TSPOAP1: variants seen among roughly 807,000 people sequenced by gnomAD.
TSPOAP1 encodes the protein TSPO associated protein 1.
TSPOAP1 carries 87 observed loss-of-function variants against 197.0 expected under a neutral mutation model. That is an observed-to-expected ratio of 0.44 (90% CI 0.37 to 0.53). The LOEUF is 0.53. TSPOAP1 is among the 20% of genes least tolerant of loss of function. The pLI, the probability that TSPOAP1 is intolerant of heterozygous loss-of-function variation, is 0.00. For missense variants in TSPOAP1, 2,174 were observed against 2,411.3 expected (o/e 0.90, Z 2.06); for synonymous variants, 913 against 998.9 (o/e 0.91, Z 1.62).
chr17:58,304,983 G>T lies in TSPOAP1; in HGVS notation c.5544+78C>A. 3 of 1,124,176 alleles carry T rather than the reference G, an allele frequency of 2.7e-6. No individual in the cohort carries two copies. The highest frequency in any genetic ancestry group is 2.7e-6 in the Non-Finnish European group (2 of 734,090). The allele number at this position is 1,124,176 out of a possible 1,614,324, so 69.6% of individuals were successfully genotyped here. A position where few individuals can be genotyped will look rare whatever the true frequency, so the allele number is the denominator to read the frequency against. On this transcript the variant is annotated intron_variant, in intron 30 of 31. Transcript: ENST00000343736. The surrounding 1 kb of genome is among the most constrained non-coding windows in gnomAD (Gnocchi z 4.2). ...TGACCACCCCAGCTGCACCCCTGCC[G>T]CAACACTGCCCTGGCCCTACCACCC...
rs1567853687 is a variant in TSPOAP1 at position 58,327,678 on chromosome 17, C to T, written c.243G>A (p.Glu81=). 2.5e-6 allele frequency: 4 copies of T among 1,613,898 alleles called. No homozygotes were observed. In the East Asian group the frequency reaches 8.9e-5, roughly 36 times the overall value. ...GCTGGCCCAGGCTGGGCAGACAAGC[C>T]TCTGCTCCTTCAGGGTCAGTTCCCC... ...PVGGTDPEGA[E]ACLPSLGQQA... The change falls in exon 1 of 32, where the codon GAG becomes GAA. Residue 81 remains glutamate (E), a synonymous_variant. Transcript: ENST00000343736.
chr17:58,314,416 C>T (rs956989088), intron 16 of TSPOAP1, among the ~76,000 whole-genome samples: 3 of 152,014 alleles, frequency 2.0e-5, no homozygotes, highest in South Asian at 2.1e-4. Context: ...CTAGATTATC[C>T]GGGTGGGTCC....
rs1971699792 is a variant in TSPOAP1 at position 58,327,844 on chromosome 17, C to A, written c.77G>T (p.Ser26Ile). 1 of 1,613,732 alleles carries A rather than the reference C, an allele frequency of 6.2e-7. No individual in the cohort carries two copies. The highest frequency in any genetic ancestry group is 8.5e-7 in the Non-Finnish European group (1 of 1,179,960). ...TTCACCCCCTCGACCTGGAGTCCAG[C>A]TATGCCAGGTGGGCAGTGCCCATGG... ...MEPWALPTWH[S>I]WTPGRGGEPS... is the part of the protein sequence containing the mutation. Residue 26 changes from serine (S) to isoleucine (I), a missense_variant, in exon 1 of 32, where the codon AGC becomes ATC. Transcript: ENST00000343736.
intron 16 of TSPOAP1, among the ~76,000 whole-genome samples, chr17:58,315,701 C>T (rs929557745): frequency 6.6e-6 from 1 of 152,204 alleles, no homozygotes; most frequent in African/African-American, 2.4e-5. Context: ...CTGCCACGCC[C>T]TGACTATCCA....
intron 14 of TSPOAP1, among the ~76,000 whole-genome samples, chr17:58,316,962 T>C (rs1436688087): frequency 6.6e-6 from 1 of 152,186 alleles, no homozygotes; most frequent in Non-Finnish European, 1.5e-5. Context: ...TTTGAGAGGC[T>C]GAGGAGGGCA....
At position 58,320,140 on chromosome 17, in the gene TSPOAP1, A is replaced by T. The variant is rs1178730499; in HGVS notation, c.1474-11T>A. On this transcript the variant is annotated splice_polypyrimidine_tract_variant and intron_variant, in intron 11 of 31. Coordinates refer to ENST00000343736, the MANE Select transcript of TSPOAP1 (RefSeq NM_004758.4). ...GGAATCCAAGGTAGACTGTTGCAGG[A>T]AAGGAAGCAGAGAACAGGTTAGAAC... 42 of 1,614,018 alleles carry T rather than the reference A, an allele frequency of 2.6e-5. No individual in the cohort carries two copies. The highest frequency in any genetic ancestry group is 3.5e-5 in the Non-Finnish European group (41 of 1,180,006).
Position 58,304,510 on chromosome 17 carries a change from G to A in TSPOAP1, c.5545-111C>T. 1 of 838,696 alleles carries A rather than the reference G, an allele frequency of 1.2e-6. No homozygotes were observed. Among genetic ancestry groups the A allele is most frequent in the South Asian group, 1.4e-5 (1 of 71,694 alleles). 52.0% of individuals were successfully genotyped at this position (838,696 alleles called of 1,614,324 possible). ...GTGGGCCCTACTCTCCAAGGCCTTT[G>A]TGTTCACACATGGAAGCCCTGAGTT... On this transcript the variant is annotated intron_variant, in intron 30 of 31. Transcript: ENST00000343736. The surrounding 1 kb of genome is among the most constrained non-coding windows in gnomAD (Gnocchi z 4.2).
intron 1 of TSPOAP1, 123 bp downstream of exon 1, chr17:58,327,465 G>A: frequency 1.1e-6 from 1 of 939,574 alleles, no homozygotes; most frequent in Non-Finnish European, 1.6e-6. Flanking sequence ...TGGACCCACA[G>A]ACAGGCCAAG....
At position 58,310,238 on chromosome 17, in the gene TSPOAP1, AC is replaced by A; in HGVS notation, c.3700-81del. 3.5e-6 allele frequency: 5 copies of A among 1,429,062 alleles called. No homozygotes were observed. In the South Asian group the frequency reaches 6.5e-5, roughly 18 times the overall value. The allele number at this position is 1,429,062 out of a possible 1,614,324, so 88.5% of individuals were successfully genotyped here. On this transcript the variant is annotated intron_variant, in intron 20 of 31. Transcript: ENST00000343736. ...GTTCCAGGCAGGGTCAGCCCCAGCC[AC>A]AGTAACAAGGGTCCTTTGGCAGAGG... is the stretch of plus-strand genomic sequence containing the variant.
rs761777850 is a variant in TSPOAP1 at position 58,312,085 on chromosome 17, G to C, written c.2736C>G (p.Ala912=). ...GGCACTCTTCCCCATTGAGGTAGATGGCATGGGCCAAGTTGCTATTGCCGG... is the reference window on the plus strand; with the variant it reads ...GGCACTCTTCCCCATTGAGGTAGATCGCATGGGCCAAGTTGCTATTGCCGG... ...WVPGNSNLAH[A]IYLNGEECPP... is the part of the protein sequence containing the mutation. Residue 912 remains alanine (A), a synonymous_variant, in exon 17 of 32, where the codon GCC becomes GCG. Coordinates refer to ENST00000343736, the MANE Select transcript of TSPOAP1 (RefSeq NM_004758.4). 1.2e-6 allele frequency: 2 copies of C among 1,613,416 alleles called. No homozygotes were observed. The highest frequency in any genetic ancestry group is 2.2e-5 in the South Asian group (2 of 91,088).
intron 15 of TSPOAP1, 38 bp downstream of exon 15, chr17:58,316,387 G>T: frequency 6.4e-7 from 1 of 1,561,096 alleles, no homozygotes; most frequent in Non-Finnish European, 8.8e-7. Flanking sequence ...CCCAAATGCT[G>T]GGGCTGGGCT....
At chr17:58,318,043 TCCCAGGGGTGGGCTGGGGTGGC>T in intron 14 of TSPOAP1, among the ~76,000 whole-genome samples, 1 of 152,276 alleles carries the variant, frequency 6.6e-6, no homozygotes, top group South Asian at 2.1e-4. Context: ...TCCCTGGGCC[TCCCAGGGGTGGGCTGGGGTGGC>T]CCCAGGTGGG....
Position 58,322,354 on chromosome 17 carries a change from C to T in TSPOAP1, c.1376G>A (p.Arg459Gln), listed in dbSNP as rs375645849. The change falls in exon 10 of 32, where the codon CGG becomes CAG. Residue 459 changes from arginine to glutamine, a missense_variant. Arg to Gln is a conservative substitution (Grantham distance 43, BLOSUM62 1). Coordinates refer to ENST00000343736, the MANE Select transcript of TSPOAP1 (RefSeq NM_004758.4). The surrounding 1 kb of genome is among the most constrained non-coding windows in gnomAD (Gnocchi z 5.0). Reference protein sequence around the residue: ...QQLEVEHEQARLSLREKQEEV... With the variant: ...QQLEVEHEQAQLSLREKQEEV... ...CTCCTGCTTCTCCCGTAGGCTGAGC[C>T]GAGCCTGTTCATGCTCCACCTCCAG... is the stretch of plus-strand genomic sequence containing the variant. 22 of 1,605,424 alleles carry T rather than the reference C, an allele frequency of 1.4e-5. No individual in the cohort carries two copies. The African/African-American group carries it at 1.7e-4, about 13-fold the overall frequency.
In TSPOAP1 at chr17:58,315,912, GATGGATGGATGGATGGATGA is replaced by G. The variant is rs771970956; in HGVS notation, c.2098+91_2098+110del. ...GAGGGGATGGATGGATGGATGGATG[GATGGATGGATGGATGGATGA>G]ATGGATGGATGGATGGATGGATATC... On this transcript the variant is annotated intron_variant, in intron 16 of 31. Transcript: ENST00000343736. 6,275 of 832,218 alleles carry G rather than the reference GATGGATGGATGGATGGATGA, an allele frequency of 7.5e-3. 44 individuals are homozygous for G. The highest frequency in any genetic ancestry group is 0.015 in the African/African-American group (905 of 60,044). 51.6% of individuals were successfully genotyped at this position (832,218 alleles called of 1,614,324 possible). A position where few individuals can be genotyped will look rare whatever the true frequency, so the allele number is the denominator to read the frequency against.
intron 16 of TSPOAP1, among the ~76,000 whole-genome samples, chr17:58,315,622 A>G (rs961859347): frequency 1.6e-4 from 24 of 152,150 alleles, no homozygotes; most frequent in Non-Finnish European, 2.9e-5. Flanking sequence ...CCTCCTTCGC[A>G]TACCTGACTG....
Position 58,304,365 on chromosome 17 carries a change from T to G in TSPOAP1, c.*5A>C, listed in dbSNP as rs1422538466. 6.2e-7 allele frequency: 1 copy of G among 1,613,814 alleles called. No individual in the cohort carries two copies. The highest frequency in any genetic ancestry group is 2.2e-5 in the East Asian group (1 of 44,900). On this transcript the variant is annotated 3_prime_UTR_variant, in exon 31 of 32. Coordinates refer to ENST00000343736, the MANE Select transcript of TSPOAP1 (RefSeq NM_004758.4). The surrounding 1 kb of genome is among the most constrained non-coding windows in gnomAD (Gnocchi z 4.2). The stretch of plus-strand genomic sequence containing the variant: ...GTTGCTCTCTCTACATATATCTATC[T>G]CCATCTAGCACTGGACTCTTCTCCT...
chr17:58,309,471 C>T lies in TSPOAP1; in HGVS notation c.3892-91G>A, dbSNP rs957566197. ...GCGAGCTGCGATCTTTGCCCTCAAA[C>T]GAAGGCAGGGGTTACGGACAACCCC... On this transcript the variant is annotated intron_variant, in intron 21 of 31. Transcript: ENST00000343736. The surrounding 1 kb of genome is among the most constrained non-coding windows in gnomAD (Gnocchi z 5.0). The T allele has an allele frequency of 1.9e-5, 28 of 1,487,244 alleles. No homozygotes were observed. The highest frequency in any genetic ancestry group is 9.8e-5 in the African/African-American group (7 of 71,780). 92.1% of individuals were successfully genotyped at this position (1,487,244 alleles called of 1,614,324 possible).
At position 58,305,650 on chromosome 17, in the gene TSPOAP1, G is replaced by A. The variant is rs751674014; in HGVS notation, c.5258-7C>T. 6.8e-7 allele frequency: 1 copy of A among 1,464,724 alleles called. No individual in the cohort carries two copies. The highest frequency in any genetic ancestry group is 1.3e-5 in the South Asian group (1 of 76,378). The allele number at this position is 1,464,724 out of a possible 1,614,324, so 90.7% of individuals were successfully genotyped here. A position where few individuals can be genotyped will look rare whatever the true frequency, so the allele number is the denominator to read the frequency against. On this transcript the variant is annotated splice_region_variant and splice_polypyrimidine_tract_variant and intron_variant, in intron 27 of 31. Transcript: ENST00000343736. ...GGGACCAGCTTAGGGGGGCCTGCAGGGGGAGTAGGAGAAGACTCTGGACTC... is the reference window on the plus strand; with the variant it reads ...GGGACCAGCTTAGGGGGGCCTGCAGAGGGAGTAGGAGAAGACTCTGGACTC...
rs534345589 is a variant in TSPOAP1, at chr17:58,326,482, C to T, written c.442-61G>A. ...GAGCACCCCACAGACCCAGTCCTAA[C>T]AGCCCAAGTCTTGGGCTAGAGCCCT... On this transcript the variant is annotated intron_variant, in intron 2 of 31. Coordinates refer to ENST00000343736, the MANE Select transcript of TSPOAP1 (RefSeq NM_004758.4). The surrounding 1 kb of genome is among the most constrained non-coding windows in gnomAD (Gnocchi z 4.7). 2.5e-6 allele frequency: 4 copies of T among 1,595,802 alleles called. No homozygotes were observed. In the African/African-American group the frequency reaches 5.4e-5, roughly 21 times the overall value.
Sources: allele counts gnomAD v4.1 joint callset (sites outside exome capture counted in the v4.1 genomes callset), GRCh38; gene constraint gnomAD v4.1.1; non-coding constraint Gnocchi (gnomAD v3.1); transcripts MANE v1.5; gene names NCBI Gene and HGNC (gene_info 2026-07-23, HGNC 2026-07-21).